HENMT1: variants seen among roughly 807,000 people sequenced by gnomAD.
The protein encoded by HENMT1 is small RNA 2'-O-methyltransferase.
A neutral mutation model predicts 31.1 loss-of-function variants in HENMT1; 27 were observed. That is an observed-to-expected ratio of 0.87 (90% CI 0.64 to 1.20). The LOEUF is 1.20. Among genes scored for constraint, HENMT1 ranks in the 50% most tolerant of loss-of-function variants. The pLI, the probability that HENMT1 is intolerant of heterozygous loss-of-function variation, is 0.00. For missense variants in HENMT1, 438 were observed against 469.6 expected, an observed-to-expected ratio of 0.93 and a Z score of 0.62; for synonymous variants, 167 against 172.2, an observed-to-expected ratio of 0.97 and a Z score of 0.24.
At chr1:108,658,930 G>A (rs956637866) in intron 2 of HENMT1, among the ~76,000 whole-genome samples, 1 of 152,138 alleles carries the variant, frequency 6.6e-6, no homozygotes, top group African/African-American at 2.4e-5. Flanking sequence ...ATGTAGCACT[G>A]TCCAATAGAT....
chr1:108,659,723 T>C (rs1658384183), intron 2 of HENMT1, 141 bp downstream of exon 2: 6 of 595,062 alleles, frequency 1.0e-5, no homozygotes, highest in South Asian at 4.2e-5. Context: ...CTTTCATCTA[T>C]GTATACCCTT....
In HENMT1 at chr1:108,648,965, T is replaced by C. The variant is rs1478036849; in HGVS notation, c.783A>G (p.Leu261=). ...KAVFTTSYPS[L]QQERFFKLVL... is the part of the protein sequence containing the mutation. ...CAAGTTTAAAGAACCTTTCCTGCTG[T>C]AAGCTTGGGTATGAGGTGGTAAAAA... The change falls in exon 8 of 8, where the codon TTA becomes TTG. Residue 261 remains leucine, a synonymous_variant. Transcript: ENST00000651461. 1 of 1,607,290 alleles carries C rather than the reference T, an allele frequency of 6.2e-7. No individual in the cohort carries two copies. Among genetic ancestry groups the C allele is most frequent in the Non-Finnish European group, 8.5e-7 (1 of 1,175,346 alleles).
chr1:108,650,339 C>T lies in HENMT1; in HGVS notation c.628G>A (p.Val210Ile), dbSNP rs745351110. 32 of 1,614,054 alleles carry T rather than the reference C, an allele frequency of 2.0e-5. No homozygotes were observed. Among genetic ancestry groups the T allele is most frequent in the Non-Finnish European group, 2.5e-5 (30 of 1,180,036 alleles). Residue 210 changes from valine to isoleucine, a missense_variant, in exon 7 of 8, where the codon GTC becomes ATC. By Grantham distance (29) the Val-to-Ile change is conservative. Transcript: ENST00000651461. ...TCAGCTCCAGCTGGTGGTTCCCCGA[C>T]ACCAGTAAACTCCACAGAGTAATCA... Reference protein sequence around the residue: ...RYDYSVEFTGVGEPPAGAENV... With the variant: ...RYDYSVEFTGIGEPPAGAENV...
chr1:108,657,340 T>C (rs1658275876), intron 3 of HENMT1, 111 bp downstream of exon 3: 11 of 729,040 alleles, frequency 1.5e-5, no homozygotes, highest in Admixed American at 5.1e-5. Context: ...ATTCTCCCTA[T>C]TGCAATAACC....
rs958797265 is a variant in HENMT1, at chr1:108,655,694, G to A, written c.155C>T (p.Ala52Val). 1.3e-6 allele frequency: 2 copies of A among 1,595,146 alleles called. No individual in the cohort carries two copies. Among genetic ancestry groups the A allele is most frequent in the African/African-American group, 1.3e-5 (1 of 74,238 alleles). The change falls in exon 4 of 8, where the codon GCA (alanine) becomes GTA (valine). Residue 52 changes from alanine to valine, a missense_variant. By Grantham distance (64) the Ala-to-Val change is moderately conservative. Transcript: ENST00000651461. ...LVDQHEPKKV[A>V]DLGCGDTSLL... Reference sequence around the variant, plus strand: ...TGAAGTATCACCACATCCCAGGTCTGCAACCTGTAGATGAGACAGAATGTT... The same window carrying A: ...TGAAGTATCACCACATCCCAGGTCTACAACCTGTAGATGAGACAGAATGTT...
At position 108,655,525 on chromosome 1, in the gene HENMT1, A is replaced by C. The variant is rs74112292; in HGVS notation, c.263+61T>G. ...CAAATATAAAATCAACACTTTCTCT[A>C]AACTCAATAATGCCATTAGTTTTAG... is the stretch of plus-strand genomic sequence containing the variant. On this transcript the variant is annotated intron_variant, in intron 4 of 7. Transcript: ENST00000651461. 1.0e-3 allele frequency: 964 copies of C among 965,156 alleles called. 12 individuals are homozygous for C. The African/African-American group carries it at 0.015, about 15-fold the overall frequency. 59.8% of individuals were successfully genotyped at this position (965,156 alleles called of 1,614,324 possible). A position where few individuals can be genotyped will look rare whatever the true frequency, so the allele number is the denominator to read the frequency against.
At chr1:108,654,635 A>G in intron 5 of HENMT1, 81 bp downstream of exon 5, 2 of 1,370,734 alleles carry the variant, frequency 1.5e-6, no homozygotes, top group Admixed American at 3.9e-5. Flanking sequence ...AAGACCTATT[A>G]TATTTAGGAC....
Position 108,650,044 on chromosome 1 carries a change from T to G in HENMT1, c.756+167A>C, listed in dbSNP as rs185543569. On this transcript the variant is annotated intron_variant, in intron 7 of 7. Transcript: ENST00000651461. The stretch of plus-strand genomic sequence containing the variant: ...GGCCAGGCAGTCTCAAAGGACACCG[T>G]AGGCTAACTCGGACAGTAGTCATGG... 4.2e-5 allele frequency: 30 copies of G among 715,402 alleles called. No homozygotes were observed. In the Admixed American group the frequency reaches 6.0e-4, roughly 14 times the overall value. The allele number at this position is 715,402 out of a possible 1,614,324, so 44.3% of individuals were successfully genotyped here. A position where few individuals can be genotyped will look rare whatever the true frequency, so the allele number is the denominator to read the frequency against.
intron 2 of HENMT1, among the ~76,000 whole-genome samples, chr1:108,658,300 G>A (rs1034093941): frequency 6.6e-6 from 1 of 151,932 alleles, no homozygotes; most frequent in Non-Finnish European, 1.5e-5. Context: ...ACCATGCCTG[G>A]CTAATTTTTG....
chr1:108,656,463 A>C (rs1295187029), intron 3 of HENMT1, among the ~76,000 whole-genome samples: 1 of 152,170 alleles, frequency 6.6e-6, no homozygotes, highest in Non-Finnish European at 1.5e-5. Context: ...CTTTACTCTG[A>C]AGTTAACCGA....
chr1:108,650,000 A>C (rs1443881678), intron 7 of HENMT1: 1 of 663,504 alleles, frequency 1.5e-6, no homozygotes. Flanking sequence ...TCCCTTTAAC[A>C]TGCCTTGAAA....
intron 5 of HENMT1, 112 bp from the exon 6 acceptor site, chr1:108,651,321 G>A: frequency 1.2e-6 from 1 of 856,604 alleles, no homozygotes; most frequent in Non-Finnish European, 1.8e-6. Context: ...TCCCTTCTTT[G>A]AATATGTAAT....
chr1:108,648,916 G>C lies in HENMT1; in HGVS notation c.832C>G (p.Gln278Glu). 1 of 1,614,064 alleles carries C rather than the reference G, an allele frequency of 6.2e-7. No homozygotes were observed. The highest frequency in any genetic ancestry group is 8.5e-7 in the Non-Finnish European group (1 of 1,179,978). Residue 278 changes from glutamine to glutamate, a missense_variant, in exon 8 of 8, where the codon CAA becomes GAA. Gln to Glu is a conservative substitution (Grantham distance 29). Transcript: ENST00000651461. Reference protein sequence around the residue: ...KLVLVNEVSQQVESLRVSHLP... With the variant: ...KLVLVNEVSQEVESLRVSHLP... ...TGGCTCACTCTTAAGCTTTCCACTT[G>C]TTGGGACACCTCATTAACCAACACA... is the stretch of plus-strand genomic sequence containing the variant.
rs755424883 is a variant in HENMT1, at chr1:108,650,206, C to T, written c.756+5G>A. On this transcript the variant is annotated splice_donor_5th_base_variant and intron_variant, in intron 7 of 7. Coordinates refer to ENST00000651461, the MANE Select transcript of HENMT1 (RefSeq NM_001102592.2). The stretch of plus-strand genomic sequence containing the variant: ...CCTGATAGCTATCTCACAAAGAATA[C>T]TCACAGCTTTATAAACATGCTGATC... 5.0e-6 allele frequency: 8 copies of T among 1,613,086 alleles called. No homozygotes were observed. Among genetic ancestry groups the T allele is most frequent in the Non-Finnish European group, 5.9e-6 (7 of 1,179,290 alleles).
At chr1:108,650,049 T>A in intron 7 of HENMT1, 162 bp downstream of exon 7, 1 of 724,800 alleles carries the variant, frequency 1.4e-6, no homozygotes. Context: ...CACCGTAGGC[T>A]AACTCGGACA....
intron 2 of HENMT1, among the ~76,000 whole-genome samples, chr1:108,658,343 C>T (rs1658329809): frequency 6.6e-6 from 1 of 152,094 alleles, no homozygotes; most frequent in South Asian, 2.1e-4. Context: ...CCATGTTGGC[C>T]AGGCTCTTCT....
chr1:108,657,645 GC>G, intron 2 of HENMT1, 66 bp from the exon 3 acceptor site: 1 of 1,399,980 alleles, frequency 7.1e-7, no homozygotes. Flanking sequence ...TAAATAAGGG[GC>G]AAAAAAAAAA....
chr1:108,648,528 A>G lies in HENMT1; in HGVS notation c.*38T>C, dbSNP rs1657942637. 1.9e-6 allele frequency: 3 copies of G among 1,558,282 alleles called. No individual in the cohort carries two copies. In the Admixed American group the frequency reaches 5.2e-5, roughly 27 times the overall value. On this transcript the variant is annotated 3_prime_UTR_variant, in exon 8 of 8. Coordinates refer to ENST00000651461, the MANE Select transcript of HENMT1 (RefSeq NM_001102592.2). ...AACTAAATTCTAAGTGAGCACAACT[A>G]TCGCTGAGACCCTGAAATTTCAGGA...
chr1:108,650,422 T>C (rs998956181), intron 6 of HENMT1, 34 bp from the exon 7 acceptor site: 3 of 1,582,600 alleles, frequency 1.9e-6, no homozygotes, highest in Non-Finnish European at 2.6e-6. Flanking sequence ...ATCATTTTTC[T>C]AAATGTAGAG....
Sources: allele counts gnomAD v4.1 joint callset (sites outside exome capture counted in the v4.1 genomes callset), GRCh38; gene constraint gnomAD v4.1.1; transcripts MANE v1.5; gene names NCBI Gene and HGNC (gene_info 2026-07-23, HGNC 2026-07-21).